The following NLRP13 variants were observed in gnomAD, a reference collection of about 807,000 sequenced individuals.
NLRP13 encodes the protein NACHT, LRR and PYD domains-containing protein 13.
In NLRP13, 82 loss-of-function variants were observed where a neutral mutation model predicts 94.4. That is an observed-to-expected ratio of 0.87 (90% CI 0.73 to 1.04). The LOEUF is 1.04. Ranked by LOEUF, NLRP13 falls within the 50% of genes least tolerant of loss-of-function variation. The pLI, the probability that NLRP13 is intolerant of heterozygous loss-of-function variation, is 0.00. For synonymous variants in NLRP13, 553 were observed against 464.7 expected, an observed-to-expected ratio of 1.19 and a Z score of -2.45; for missense variants, 1,426 against 1,230.8, an observed-to-expected ratio of 1.16 and a Z score of -2.37.
At chr19:55,931,446 C>T (rs990730920) in intron 1 of NLRP13, among the ~76,000 whole-genome samples, 8 of 151,930 alleles carry the variant, frequency 5.3e-5, no homozygotes, top group Non-Finnish European at 8.8e-5. Context: ...CGGTGGCTCA[C>T]GCCTGTAATC....
At chr19:55,904,379 T>C (rs1037605397) in intron 8 of NLRP13, among the ~76,000 whole-genome samples, 1 of 152,078 alleles carries the variant, frequency 6.6e-6, no homozygotes, top group Non-Finnish European at 1.5e-5. Context: ...TGAGCCACCT[T>C]GCCCAGCCCA....
At chr19:55,919,797 C>A (rs1048728977) in intron 4 of NLRP13, among the ~76,000 whole-genome samples, 1 of 152,032 alleles carries the variant, frequency 6.6e-6, no homozygotes, top group Non-Finnish European at 1.5e-5. Context: ...TATCAAACTC[C>A]CAGTGACATA....
At chr19:55,913,908 C>T (rs911032744) in intron 4 of NLRP13, among the ~76,000 whole-genome samples, 2 of 152,172 alleles carry the variant, frequency 1.3e-5, no homozygotes, top group African/African-American at 4.8e-5. Flanking sequence ...CCTCTTCCCT[C>T]ACCAGCTATC....
At chr19:55,923,061 G>T (rs1449354385) in intron 4 of NLRP13, among the ~76,000 whole-genome samples, 1 of 152,132 alleles carries the variant, frequency 6.6e-6, no homozygotes, top group Non-Finnish European at 1.5e-5. Context: ...ACTAAACTTA[G>T]AACTAGAATG....
chr19:55,911,335 A>G (rs1187870406), intron 5 of NLRP13, among the ~76,000 whole-genome samples: 1 of 152,160 alleles, frequency 6.6e-6, no homozygotes, highest in African/African-American at 2.4e-5. Flanking sequence ...TGGCTCAAGC[A>G]ATCCTCCCAC....
At chr19:55,902,253 A>G in intron 8 of NLRP13, 48 bp from the exon 9 acceptor site, 1 of 1,575,634 alleles carries the variant, frequency 6.3e-7, no homozygotes, top group Non-Finnish European at 8.7e-7. Context: ...AGCAGCCCAG[A>G]CCCAGGCTCC....
downstream of NLRP13, among the ~76,000 whole-genome samples, chr19:55,892,714 C>G (rs898783916): frequency 6.6e-6 from 1 of 152,208 alleles, no homozygotes; most frequent in Non-Finnish European, 1.5e-5. Context: ...AGCCACCATG[C>G]CTGGCCTACT....
intron 8 of NLRP13, among the ~76,000 whole-genome samples, chr19:55,904,317 T>C (rs1250587403): frequency 1.3e-5 from 2 of 152,276 alleles, no homozygotes; most frequent in African/African-American, 2.4e-5. Context: ...TCAAAATTCC[T>C]GACCTCGTGA....
At chr19:55,906,970 T>A (rs35077832) in intron 7 of NLRP13, among the ~76,000 whole-genome samples, 111,258 of 151,496 alleles carry the variant, frequency 0.73, 41,253 homozygotes, top group African/African-American at 0.83. Context: ...ATTATTATTT[T>A]TTTTTTTGAG....
intron 5 of NLRP13, among the ~76,000 whole-genome samples, chr19:55,911,308 T>C (rs1986502391): frequency 6.6e-6 from 1 of 152,210 alleles, no homozygotes; most frequent in Non-Finnish European, 1.5e-5. Flanking sequence ...CTCTGCTTGC[T>C]GCAACTTCTG....
chr19:55,907,857 C>T lies in NLRP13; in HGVS notation c.2382G>A (p.Leu794=). 1 of 1,613,882 alleles carries T rather than the reference C, an allele frequency of 6.2e-7. No individual in the cohort carries two copies. The highest frequency in any genetic ancestry group is 8.5e-7 in the Non-Finnish European group (1 of 1,179,904). Residue 794 remains leucine, a synonymous_variant, in exon 7 of 11, where the codon CTG becomes CTA. Transcript: ENST00000342929. ...TAAGAATCAGGGGGACAGTCATTCC[C>T]AGCTTGTTAGAGCTGAAGTTCAGAT... The part of the protein sequence containing the change: ...LTHLNFSSNK[L]GMTVPLILKA...
At chr19:55,898,129 G>T (rs577254805) in intron 10 of NLRP13, among the ~76,000 whole-genome samples, 2 of 152,120 alleles carry the variant, frequency 1.3e-5, no homozygotes, top group East Asian at 3.9e-4. Flanking sequence ...ACCAAGGATG[G>T]TGGTAACAAG....
chr19:55,913,092 G>C lies in NLRP13; in HGVS notation c.725C>G (p.Thr242Ser). Residue 242 changes from threonine (T) to serine (S), a missense_variant, in exon 5 of 11, where the codon ACC becomes AGC. Physicochemically the swap from Thr to Ser is moderately conservative, Grantham distance 58 (BLOSUM62 1). Coordinates refer to ENST00000342929, the MANE Select transcript of NLRP13 (RefSeq NM_176810.2). The stretch of plus-strand genomic sequence containing the variant: ...CAGCATAGCCTGCATTGCCAAGGTG[G>C]TCTTCCCAACCCCTGCCCTCCCCAC... Reference protein sequence around the residue: ...VLVGRAGVGKTTLAMQAMLHW... With the variant: ...VLVGRAGVGKSTLAMQAMLHW... The C allele has an allele frequency of 1.2e-6, 2 of 1,614,120 alleles. No individual in the cohort carries two copies. The highest frequency in any genetic ancestry group is 1.7e-6 in the Non-Finnish European group (2 of 1,180,022).
intron 1 of NLRP13, among the ~76,000 whole-genome samples, chr19:55,930,989 T>C (rs1389225499): frequency 6.6e-6 from 1 of 151,256 alleles, no homozygotes; most frequent in African/African-American, 2.4e-5. Flanking sequence ...TGCACGATCC[T>C]ACAACACCAC....
chr19:55,917,290 C>T (rs575468051), intron 4 of NLRP13, among the ~76,000 whole-genome samples: 1 of 152,050 alleles, frequency 6.6e-6, no homozygotes, highest in African/African-American at 2.4e-5. Flanking sequence ...ATACACCAGT[C>T]TTATAAAGCA....
At chr19:55,911,035 C>G (rs1006411925) in intron 5 of NLRP13, among the ~76,000 whole-genome samples, 7 of 152,108 alleles carry the variant, frequency 4.6e-5, no homozygotes, top group Non-Finnish European at 7.4e-5. Context: ...TAGCTTCAAC[C>G]TGGGAACCTA....
At chr19:55,931,088 T>C (rs977352990) in intron 1 of NLRP13, among the ~76,000 whole-genome samples, 11 of 151,686 alleles carry the variant, frequency 7.3e-5, no homozygotes, top group Non-Finnish European at 1.3e-4. Flanking sequence ...GAACTTTGCT[T>C]GTGAATATGG....
intron 8 of NLRP13, among the ~76,000 whole-genome samples, chr19:55,902,596 A>T (rs1368099887): frequency 6.6e-6 from 1 of 152,134 alleles, no homozygotes; most frequent in Non-Finnish European, 1.5e-5. Context: ...TCCATTCTGA[A>T]GTGCAGTAGG....
intron 8 of NLRP13, among the ~76,000 whole-genome samples, chr19:55,904,429 G>A (rs959056421): frequency 5.3e-5 from 8 of 152,078 alleles, no homozygotes; most frequent in African/African-American, 9.6e-5. Context: ...CTCCGCATAC[G>A]GCTGCCTCCC....
Sources: gnomAD v4.1 joint callset for allele counts (sites outside exome capture counted in the v4.1 genomes callset) on GRCh38, gnomAD v4.1.1 for gene constraint, MANE v1.5 for transcripts, NCBI Gene and HGNC (gene_info 2026-07-23, HGNC 2026-07-21) for gene names.